ATAD2B: variants seen among roughly 807,000 people sequenced by gnomAD.
ATAD2B encodes the protein ATPase family AAA domain-containing protein 2B.
In ATAD2B, 40 loss-of-function variants were observed where a neutral mutation model predicts 167.6. The observed-to-expected ratio is 0.24, with a 90% CI of 0.19 to 0.31. ATAD2B has a LOEUF of 0.31. Ranked by LOEUF, ATAD2B falls within the 10% of genes least tolerant of loss-of-function variation. The pLI, the probability that ATAD2B is intolerant of heterozygous loss-of-function variation, is 1.00. For missense variants in ATAD2B, 1,242 were observed against 1,757.2 expected (o/e 0.71, Z 5.24); for synonymous variants, 579 against 596.5 (o/e 0.97, Z 0.43).
chr2:23,873,010 G>T lies in ATAD2B; in HGVS notation c.977+2819C>A, dbSNP rs192730251. ...CCAGATCAACACCAGTTTGTAGGTG[G>T]CCATGGCAGCGGGCTGGGGAGGCCC... On this transcript the variant is annotated intron_variant, in intron 8 of 27. Coordinates refer to ENST00000238789, the MANE Select transcript of ATAD2B (RefSeq NM_017552.4). 4.2e-5 allele frequency: 29 copies of T among 691,854 alleles called. No individual in the cohort carries two copies. The East Asian group carries it at 7.1e-4, about 17-fold the overall frequency. The allele number at this position is 691,854 out of a possible 1,614,324, so 42.9% of individuals were successfully genotyped here.
intron 21 of ATAD2B, 66 bp from the exon 22 acceptor site, chr2:23,783,094 AAAAT>A: frequency 3.6e-6 from 3 of 828,806 alleles, no homozygotes; most frequent in Non-Finnish European, 5.2e-6. Context: ...ATAAAAACAC[AAAAT>A]AAAAACAAAG....
chr2:23,723,230 C>A, the ATAD2B span, among the ~76,000 whole-genome samples: 4 of 152,120 alleles, frequency 2.6e-5, no homozygotes, highest in Admixed American at 2.6e-4. Flanking sequence ...GAAGTCGAGA[C>A]TGTGGTGAGC....
chr2:23,693,468 G>A, the ATAD2B span: 2 of 1,551,734 alleles, frequency 1.3e-6, no homozygotes, highest in South Asian at 1.2e-5. Flanking sequence ...CCAAGGCTGA[G>A]GAGCTGGTGT....
At chr2:23,703,187 TACG>T in the ATAD2B span, 1 of 1,441,230 alleles carries the variant, frequency 6.9e-7, no homozygotes, top group Non-Finnish European at 9.2e-7. Context: ...CTCCTGCAGG[TACG>T]ACACCATCAC....
At chr2:23,865,309 A>G (rs1694970725) in intron 10 of ATAD2B, among the ~76,000 whole-genome samples, 1 of 152,120 alleles carries the variant, frequency 6.6e-6, no homozygotes, top group Admixed American at 6.6e-5. Context: ...AGGGCGGATC[A>G]CCTGAGCTCA....
chr2:23,915,458 T>G (rs1348424250), intron 1 of ATAD2B, among the ~76,000 whole-genome samples: 1 of 145,874 alleles, frequency 6.9e-6, no homozygotes, highest in Non-Finnish European at 1.5e-5. Context: ...AAAAAAAAAA[T>G]CCAACTCACT....
chr2:23,859,875 G>C (rs942451436), intron 12 of ATAD2B, among the ~76,000 whole-genome samples: 6 of 151,886 alleles, frequency 4.0e-5, no homozygotes, highest in African/African-American at 1.5e-4. Context: ...GCTTGAACCC[G>C]GGAGACAGAA....
intron 18 of ATAD2B, among the ~76,000 whole-genome samples, chr2:23,807,940 T>C (rs1166855871): frequency 1.6e-5 from 2 of 127,164 alleles, no homozygotes; most frequent in Non-Finnish European, 3.2e-5. Flanking sequence ...ATAATATATA[T>C]AAATATATAA....
the ATAD2B span, among the ~76,000 whole-genome samples, chr2:23,681,471 G>T: frequency 6.6e-6 from 1 of 152,160 alleles, no homozygotes; most frequent in African/African-American, 2.4e-5. The surrounding 1 kb of genome is among the most constrained non-coding windows in gnomAD (Gnocchi z 4.2). Context: ...TGAAAGGAAG[G>T]TCTTCAGAAA....
chr2:23,719,491 T>C, the ATAD2B span, among the ~76,000 whole-genome samples: 1 of 152,064 alleles, frequency 6.6e-6, no homozygotes, highest in African/African-American at 2.4e-5. Flanking sequence ...AAAACAAATA[T>C]ACAGTGCCAA....
At chr2:23,745,638 T>G (rs1674838305), downstream of ATAD2B, among the ~76,000 whole-genome samples, 1 of 152,180 alleles carries the variant, frequency 6.6e-6, no homozygotes, top group South Asian at 2.1e-4. Context: ...CAGTTTCCCC[T>G]TCTCTTAAAT....
At position 23,876,491 on chromosome 2, in the gene ATAD2B, G is replaced by A. The variant is rs956754124; in HGVS notation, c.902-587C>T. ...TAATATTTGTATTTTTGGTAGAGAC[G>A]GGGTTTCACCATGTGGGCTAGGCTG... On this transcript the variant is annotated intron_variant, in intron 7 of 27. Coordinates refer to ENST00000238789, the MANE Select transcript of ATAD2B (RefSeq NM_017552.4). 8.0e-4 allele frequency among the ~76,000 whole-genome samples: 121 copies of A among 150,878 alleles called. 1 individual carries two copies. The highest frequency in any genetic ancestry group is 2.9e-3 in the African/African-American group (120 of 41,040).
intron 2 of ATAD2B, among the ~76,000 whole-genome samples, chr2:23,893,385 C>A (rs1248299706): frequency 6.6e-6 from 1 of 152,000 alleles, no homozygotes; most frequent in Non-Finnish European, 1.5e-5. Context: ...ACCTTAGATG[C>A]TCATAAGAGT....
chr2:23,865,121 A>G (rs2150052784), intron 10 of ATAD2B, among the ~76,000 whole-genome samples, 197 bp from the exon 11 acceptor site: 1 of 152,328 alleles, frequency 6.6e-6, no homozygotes, highest in African/African-American at 2.4e-5. Context: ...AAATTAAGCT[A>G]CCATTATTTA....
intron 1 of ATAD2B, among the ~76,000 whole-genome samples, chr2:23,913,442 C>T (rs1702579521): frequency 6.6e-6 from 1 of 152,104 alleles, no homozygotes; most frequent in Non-Finnish European, 1.5e-5. Context: ...GAGTTCGAGA[C>T]CAGCCTGGCC....
At chr2:23,855,806 T>C (rs1404823276) in intron 13 of ATAD2B, among the ~76,000 whole-genome samples, 1 of 152,138 alleles carries the variant, frequency 6.6e-6, no homozygotes, top group African/African-American at 2.4e-5. Context: ...GTAGGATCAC[T>C]TGGGCCTAGA....
At position 23,757,708 on chromosome 2, in the gene ATAD2B, A is replaced by C. The variant is rs560836758; in HGVS notation, c.3788T>G (p.Leu1263Arg). Residue 1263 changes from leucine to arginine, a missense_variant, in exon 25 of 28, where the codon CTT becomes CGT. This residue lies in a region of ATAD2B where 282 missense variants were observed against 346.8 expected (regional missense o/e 0.81). Coordinates refer to ENST00000238789, the MANE Select transcript of ATAD2B (RefSeq NM_017552.4). ...CTCACCATTTAGACAATTTCCTTTA[A>C]GGAAAGTCTCTTTCCTGGAGGTCTG... ...PEQTSRKETF[L>R]KGNCLNGEAS... is the part of the protein sequence containing the mutation. The C allele has an allele frequency of 6.2e-7, 1 of 1,612,410 alleles. No individual in the cohort carries two copies. Among genetic ancestry groups the C allele is most frequent in the East Asian group, 2.2e-5 (1 of 44,878 alleles).
chr2:23,735,733 T>C, the ATAD2B span, among the ~76,000 whole-genome samples: 1 of 152,200 alleles, frequency 6.6e-6, no homozygotes, highest in African/African-American at 2.4e-5. Context: ...AGTGGTCCTA[T>C]ACAGACCAAT....
chr2:23,915,283 A>G (rs1025324157), intron 1 of ATAD2B, among the ~76,000 whole-genome samples: 20 of 152,164 alleles, frequency 1.3e-4, no homozygotes, highest in African/African-American at 4.6e-4. Flanking sequence ...TCATCTAAAC[A>G]TGTTAAATAG....
Sources: gnomAD v4.1 joint callset for allele counts (sites outside exome capture counted in the v4.1 genomes callset) on GRCh38, gnomAD v4.1.1 for gene constraint, gnomAD v4.1.1 regional missense constraint, Gnocchi (gnomAD v3.1) non-coding constraint, MANE v1.5 for transcripts, NCBI Gene and HGNC (gene_info 2026-07-23, HGNC 2026-07-21) for gene names.